Variants in UNC80 observed in about 807,000 individuals in gnomAD.
UNC80 encodes unc-80 subunit of NALCN channel complex.
In UNC80, 164 loss-of-function variants were observed where a neutral mutation model predicts 384.6. The ratio of observed to expected loss-of-function variants is 0.43; its 90% confidence interval spans 0.38 to 0.49. The LOEUF (loss-of-function observed/expected upper bound fraction) is 0.49, where lower values mean the gene tolerates loss of function less well. Ranked by LOEUF, UNC80 falls within the 20% of genes least tolerant of loss-of-function variation. The probability of loss-of-function intolerance (pLI) is 0.00; values close to 1 mark genes in which losing one functional copy is unlikely to be tolerated. For missense variants in UNC80, 3,330 were observed against 4,143.0 expected (o/e 0.80, Z 5.39); for synonymous variants, 1,486 against 1,527.8 (o/e 0.97, Z 0.64).
At chr2:209,885,626 T>C (rs2085721521) in intron 25 of UNC80, among the ~76,000 whole-genome samples, 1 of 152,190 alleles carries the variant, frequency 6.6e-6, no homozygotes, top group Non-Finnish European at 1.5e-5. Flanking sequence ...ATATTCTTGA[T>C]GATGGTAAAA....
At chr2:209,949,052 C>T (rs28587774) in intron 47 of UNC80, among the ~76,000 whole-genome samples, 15,508 of 152,024 alleles carry the variant, frequency 0.1, 1,962 homozygotes, top group African/African-American at 0.3. Context: ...TAAACTGTAA[C>T]TGGGTTGTAT....
chr2:209,875,859 C>T (rs1364885398), intron 23 of UNC80, among the ~76,000 whole-genome samples: 1 of 152,134 alleles, frequency 6.6e-6, no homozygotes, highest in African/African-American at 2.4e-5. Flanking sequence ...ACTAAATTTT[C>T]TCTTTATTTC....
At chr2:209,882,999 A>T (rs367956008) in intron 25 of UNC80, among the ~76,000 whole-genome samples, 2 of 152,288 alleles carry the variant, frequency 1.3e-5, no homozygotes, top group East Asian at 3.9e-4. Context: ...GTCACCTTTA[A>T]TTGGGCCTCT....
At chr2:209,910,216 A>G (rs546714044) in intron 29 of UNC80, among the ~76,000 whole-genome samples, 1 of 149,252 alleles carries the variant, frequency 6.7e-6, no homozygotes, top group South Asian at 2.2e-4. Flanking sequence ...TCCCTGCTTG[A>G]TGTGTCATTT....
At position 209,817,104 on chromosome 2, in the gene UNC80, G is replaced by C. The variant is rs1432716872; in HGVS notation, c.1531G>C (p.Gly511Arg). The change falls in exon 10 of 65, where the codon GGC (glycine) becomes CGC (arginine). Residue 511 changes from glycine (G) to arginine (R), a missense_variant. Gly to Arg is a moderately radical substitution (Grantham distance 125, BLOSUM62 -2). Coordinates refer to ENST00000673920, the MANE Select transcript of UNC80 (RefSeq NM_001371986.1). ...AGACAGGCGAGGAATTGAGAAAGGA[G>C]GCTGGCAAACCACCATTTTAGGTGA... The part of the protein sequence containing the change: ...GEDRRGIEKG[G>R]WQTTILGKLT... The C allele has an allele frequency of 6.4e-7, 1 of 1,551,644 alleles. No individual in the cohort carries two copies. The highest frequency in any genetic ancestry group is 2.4e-5 in the East Asian group (1 of 40,906).
chr2:209,866,963 A>C (rs1349487787), intron 22 of UNC80, among the ~76,000 whole-genome samples: 1 of 152,216 alleles, frequency 6.6e-6, no homozygotes, highest in Admixed American at 6.5e-5. Flanking sequence ...ATTTTGATAT[A>C]TGTATACAAT....
rs2092523331 is a variant in UNC80, at chr2:209,959,513, A to G, written c.7611A>G (p.Glu2537=). 6.4e-7 allele frequency: 1 copy of G among 1,551,680 alleles called. No homozygotes were observed. The highest frequency in any genetic ancestry group is 1.2e-5 in the South Asian group (1 of 84,052). ...FIRENLHLLE[E]GQGIPREELD... Reference sequence around the variant, plus strand: ...GGGAAAACCTTCATTTACTGGAGGAAGGGCAAGGCATTCCCAGAGAGGAAC... The same window carrying G: ...GGGAAAACCTTCATTTACTGGAGGAGGGGCAAGGCATTCCCAGAGAGGAAC... Residue 2537 remains glutamate, a synonymous_variant, in exon 51 of 65, where the codon GAA becomes GAG. Transcript: ENST00000673920.
At position 209,959,648 on chromosome 2, in the gene UNC80, T is replaced by G. The variant is rs1182972231; in HGVS notation, c.7746T>G (p.Asn2582Lys). The G allele has an allele frequency of 6.4e-7, 1 of 1,551,670 alleles. No homozygotes were observed. The highest frequency in any genetic ancestry group is 1.2e-5 in the South Asian group (1 of 84,052). Residue 2582 changes from asparagine to lysine, a missense_variant, in exon 51 of 65, where the codon AAT becomes AAG. Asn to Lys is a moderately conservative substitution (Grantham distance 94). This residue lies in a region of UNC80 where 1,049 missense variants were observed against 1,488.6 expected (regional missense o/e 0.70). Transcript: ENST00000673920. Reference sequence around the variant, plus strand: ...GGCCACGGCTGAAGATCTTGCAAAATCTGGCTGGGGAGCCTCGGGTCATTG... The same window carrying G: ...GGCCACGGCTGAAGATCTTGCAAAAGCTGGCTGGGGAGCCTCGGGTCATTG... The part of the protein sequence containing the change: ...HCGPRLKILQ[N>K]LAGEPRVIAL...
At chr2:209,860,639 A>G (rs1053251518) in intron 22 of UNC80, among the ~76,000 whole-genome samples, 2 of 152,242 alleles carry the variant, frequency 1.3e-5, no homozygotes, top group African/African-American at 4.8e-5. Flanking sequence ...TACTTTGGGC[A>G]GTATGGCCAT....
chr2:209,888,776 C>T (rs748976356), intron 26 of UNC80, among the ~76,000 whole-genome samples: 86 of 151,862 alleles, frequency 5.7e-4, no homozygotes, highest in African/African-American at 1.8e-3. Context: ...CCACCACGCC[C>T]GGCTAATTTT....
At chr2:209,789,782 C>T (rs2077678047) in intron 6 of UNC80, among the ~76,000 whole-genome samples, 177 bp downstream of exon 6, 1 of 151,672 alleles carries the variant, frequency 6.6e-6, no homozygotes, top group African/African-American at 2.4e-5. Flanking sequence ...AATTAATTTT[C>T]TGTATCTCCC....
chr2:209,920,744 C>T (rs1037813450), intron 33 of UNC80, among the ~76,000 whole-genome samples: 1 of 152,144 alleles, frequency 6.6e-6, no homozygotes, highest in African/African-American at 2.4e-5. Flanking sequence ...ATATAACTAA[C>T]TGGCTTATAT....
At chr2:209,882,434 A>G (rs1280123075) in intron 25 of UNC80, among the ~76,000 whole-genome samples, 1 of 152,182 alleles carries the variant, frequency 6.6e-6, no homozygotes, top group African/African-American at 2.4e-5. Flanking sequence ...TTCACACTCT[A>G]GAACAGAAAG....
chr2:209,994,198 C>T lies in UNC80; in HGVS notation c.9642C>T (p.Asp3214=), dbSNP rs748426571. ...PAPSRKPEAM[D]EPVLTSSPAI... ...CTTCTAGGAAACCAGAAGCAATGGACGAACCAGTCCTCACATCTTCTCCCG... is the reference window on the plus strand; with the variant it reads ...CTTCTAGGAAACCAGAAGCAATGGATGAACCAGTCCTCACATCTTCTCCCG... The change falls in exon 64 of 65, where the codon GAC becomes GAT. Residue 3214 remains aspartate (D), a synonymous_variant. Transcript: ENST00000673920. 1.7e-5 allele frequency: 26 copies of T among 1,551,290 alleles called. No homozygotes were observed. The African/African-American group carries it at 1.8e-4, about 11-fold the overall frequency.
At chr2:209,992,587 A>C (rs1362666571) in intron 62 of UNC80, among the ~76,000 whole-genome samples, 2 of 152,172 alleles carry the variant, frequency 1.3e-5, no homozygotes, top group Non-Finnish European at 2.9e-5. Context: ...CTTCTATTTT[A>C]GCTCTGAATT....
At chr2:209,990,673 T>G (rs1263145324) in intron 61 of UNC80, among the ~76,000 whole-genome samples, 1 of 152,228 alleles carries the variant, frequency 6.6e-6, no homozygotes, top group Non-Finnish European at 1.5e-5. Flanking sequence ...CAACATTGTC[T>G]GGATTGCTTA....
At chr2:209,827,435 T>G (rs2080618923) in intron 14 of UNC80, among the ~76,000 whole-genome samples, 1 of 152,088 alleles carries the variant, frequency 6.6e-6, no homozygotes, top group Admixed American at 6.5e-5. Context: ...GCAGGGTGAG[T>G]TGGATCGGAA....
intron 48 of UNC80, among the ~76,000 whole-genome samples, chr2:209,955,737 A>ATG (rs2092381056): frequency 5.6e-5 from 5 of 88,788 alleles, no homozygotes; most frequent in Non-Finnish European, 9.7e-5. Flanking sequence ...ATATATATAT[A>ATG]TACACACACA....
intron 22 of UNC80, among the ~76,000 whole-genome samples, chr2:209,857,963 T>C (rs2083058649): frequency 1.3e-5 from 2 of 152,192 alleles, no homozygotes; most frequent in Non-Finnish European, 2.9e-5. Context: ...AAATGTTCCA[T>C]GTGTTGTCAA....
Sources: gnomAD v4.1 joint callset for allele counts (sites outside exome capture counted in the v4.1 genomes callset) on GRCh38, gnomAD v4.1.1 for gene constraint, gnomAD v4.1.1 regional missense constraint, MANE v1.5 for transcripts, NCBI Gene and HGNC (gene_info 2026-07-23, HGNC 2026-07-21) for gene names.